NYAP2: variants seen among roughly 807,000 people sequenced by gnomAD.
NYAP2 encodes neuronal tyrosine-phosphorylated phosphoinositide-3-kinase adapter 2.
In NYAP2, 23 loss-of-function variants were observed where a neutral mutation model predicts 50.4. That is an observed-to-expected ratio of 0.46 (90% CI 0.33 to 0.65). The LOEUF is 0.65. Among genes scored for constraint, NYAP2 ranks in the 30% least tolerant of loss-of-function variants. The probability of loss-of-function intolerance (pLI) is 0.02; values close to 1 mark genes in which losing one functional copy is unlikely to be tolerated. For missense variants in NYAP2, 885 were observed against 861.0 expected (o/e 1.03, Z -0.35); for synonymous variants, 394 against 365.2 (o/e 1.08, Z -0.90).
chr2:225,542,684 G>T (rs1691498019), intron 4 of NYAP2, among the ~76,000 whole-genome samples: 1 of 152,110 alleles, frequency 6.6e-6, no homozygotes, highest in Admixed American at 6.5e-5. Context: ...GTATTTTGTT[G>T]AGGATTTTTG....
intron 3 of NYAP2, among the ~76,000 whole-genome samples, chr2:225,478,704 A>G (rs933137101): frequency 6.6e-6 from 1 of 152,220 alleles, no homozygotes; most frequent in African/African-American, 2.4e-5. Flanking sequence ...ATTTTCATGA[A>G]AATACAATGG....
At chr2:225,626,851 T>C (rs1693218083) in intron 5 of NYAP2, 66 bp from the exon 6 acceptor site, 1 of 1,241,504 alleles carries the variant, frequency 8.1e-7, no homozygotes, top group Non-Finnish European at 1.1e-6. Flanking sequence ...CACACTAATT[T>C]TTTGAAAGTA....
At chr2:225,415,416 T>A (rs1695106632) in intron 3 of NYAP2, among the ~76,000 whole-genome samples, 1 of 152,152 alleles carries the variant, frequency 6.6e-6, no homozygotes, top group Non-Finnish European at 1.5e-5. Context: ...AGTTTTGAAT[T>A]GGTTAATATT....
chr2:225,635,325 T>C (rs1479216815), intron 6 of NYAP2, among the ~76,000 whole-genome samples: 1 of 152,220 alleles, frequency 6.6e-6, no homozygotes, highest in East Asian at 1.9e-4. Flanking sequence ...AATATTTTGG[T>C]GTCAATTGTT....
At chr2:225,460,992 C>CAAA (rs869283101) in intron 3 of NYAP2, among the ~76,000 whole-genome samples, 16 of 43,012 alleles carry the variant, frequency 3.7e-4, no homozygotes, top group Non-Finnish European at 5.7e-4. Flanking sequence ...GACTCTGTCT[C>CAAA]AAAAAAAAAA....
chr2:225,538,633 G>C (rs1446978439), intron 4 of NYAP2, among the ~76,000 whole-genome samples: 1 of 152,174 alleles, frequency 6.6e-6, no homozygotes, highest in African/African-American at 2.4e-5. Flanking sequence ...AGAGGTTGCT[G>C]TGAAGACCTC....
At chr2:225,410,090 C>T (rs1036292930) in intron 3 of NYAP2, among the ~76,000 whole-genome samples, 2 of 151,854 alleles carry the variant, frequency 1.3e-5, no homozygotes, top group Admixed American at 1.3e-4. Flanking sequence ...ATTATTCATG[C>T]TTATAAAGAA....
chr2:225,498,799 C>T (rs1253306254), intron 3 of NYAP2, among the ~76,000 whole-genome samples: 1 of 152,042 alleles, frequency 6.6e-6, no homozygotes, highest in Non-Finnish European at 1.5e-5. Context: ...TTCTTGGAAG[C>T]ATTTGTTCTC....
rs557754854 is a variant in NYAP2, at chr2:225,512,708, T to C, written c.222-663T>C. On this transcript the variant is annotated intron_variant, in intron 3 of 6. Coordinates refer to ENST00000636099, the Ensembl canonical transcript of NYAP2. The stretch of plus-strand genomic sequence containing the variant: ...TTTGCTTGTCTTGCTTTGCTTTTTC[T>C]TTTTTCTTTTCTTTCTTTCTCTTCC... Among the ~76,000 whole-genome samples the C allele has an allele frequency of 4.0e-5, 6 of 149,254 alleles. No individual in the cohort carries two copies. In the South Asian group the frequency reaches 1.2e-3, roughly 31 times the overall value.
At chr2:225,529,389 T>A (rs1204612946) in intron 4 of NYAP2, among the ~76,000 whole-genome samples, 1 of 152,162 alleles carries the variant, frequency 6.6e-6, no homozygotes, top group Non-Finnish European at 1.5e-5. Context: ...AGTGGCATGA[T>A]CTCTGCTCAT....
intron 3 of NYAP2, among the ~76,000 whole-genome samples, chr2:225,443,243 T>C (rs1458748792): frequency 1.3e-5 from 2 of 152,312 alleles, no homozygotes; most frequent in Middle Eastern, 3.4e-3. Context: ...AATTATTACT[T>C]TTCTAGGATT....
rs16866641 is a variant in NYAP2 at position 225,511,947 on chromosome 2, C to G, written c.222-1424C>G. ...AAACTTCATATACTCAGAGGTACTTCTTACCATTCAAACATATCTAAGAAA... is the reference window on the plus strand; with the variant it reads ...AAACTTCATATACTCAGAGGTACTTGTTACCATTCAAACATATCTAAGAAA... On this transcript the variant is annotated intron_variant, in intron 3 of 6. Coordinates refer to ENST00000636099, the Ensembl canonical transcript of NYAP2. Among the ~76,000 whole-genome samples, 1,505 of 152,250 alleles carry G rather than the reference C, an allele frequency of 9.9e-3. 17 individuals are homozygous for G. Among genetic ancestry groups the G allele is most frequent in the African/African-American group, 0.034 (1,429 of 41,540 alleles).
chr2:225,536,225 C>T (rs1469517923), intron 4 of NYAP2, among the ~76,000 whole-genome samples: 5 of 152,160 alleles, frequency 3.3e-5, no homozygotes, highest in South Asian at 4.2e-4. Context: ...TGCTGTCAGT[C>T]GGCCAAGCCT....
intron 4 of NYAP2, among the ~76,000 whole-genome samples, chr2:225,548,211 G>C (rs978758162): frequency 6.6e-6 from 1 of 151,206 alleles, no homozygotes; most frequent in Non-Finnish European, 1.5e-5. Flanking sequence ...AACATTATTT[G>C]TGACATTTCC....
chr2:225,587,674 C>T (rs1334900501), intron 5 of NYAP2, among the ~76,000 whole-genome samples: 1 of 152,114 alleles, frequency 6.6e-6, no homozygotes, highest in African/African-American at 2.4e-5. Flanking sequence ...TAGCCCCTAA[C>T]TCTCATCAGG....
At chr2:225,508,063 CTT>C (rs1690742421) in intron 3 of NYAP2, among the ~76,000 whole-genome samples, 1 of 152,192 alleles carries the variant, frequency 6.6e-6, no homozygotes, top group African/African-American at 2.4e-5. Flanking sequence ...ATATTTTACA[CTT>C]TGTGTTTTGT....
chr2:225,671,353 G>A, the NYAP2 span, among the ~76,000 whole-genome samples: 1 of 152,030 alleles, frequency 6.6e-6, no homozygotes, highest in Admixed American at 6.5e-5. Context: ...CCTTTACCAG[G>A]GGTGCATTTC....
intron 4 of NYAP2, among the ~76,000 whole-genome samples, chr2:225,576,872 T>C (rs555784981): frequency 4.6e-5 from 7 of 152,180 alleles, no homozygotes; most frequent in Non-Finnish European, 8.8e-5. Context: ...GAATCTGGGC[T>C]GGATATCTCA....
intron 3 of NYAP2, among the ~76,000 whole-genome samples, chr2:225,436,612 A>G (rs1689381422): frequency 6.6e-6 from 1 of 152,090 alleles, no homozygotes; most frequent in Non-Finnish European, 1.5e-5. Context: ...TCTGAGGTAC[A>G]GGGAGTTAAG....
Sources: gnomAD v4.1 joint callset for allele counts (sites outside exome capture counted in the v4.1 genomes callset) on GRCh38, gnomAD v4.1.1 for gene constraint, MANE v1.5 for transcripts, NCBI Gene and HGNC (gene_info 2026-07-23, HGNC 2026-07-21) for gene names.